Variants in STEEP1 observed in about 807,000 individuals in gnomAD.
STEEP1 encodes STING1 ER exit protein 1, also known as STING ER exit protein.
STEEP1 carries 3 observed loss-of-function variants against 19.2 expected under a neutral mutation model. The observed-to-expected ratio is 0.16, with a 90% CI of 0.07 to 0.40. The LOEUF (loss-of-function observed/expected upper bound fraction) is 0.40. Among genes scored for constraint, STEEP1 ranks in the 10% least tolerant of loss-of-function variants. The pLI, the probability that STEEP1 is intolerant of heterozygous loss-of-function variation, is 0.99. For missense variants in STEEP1, 54 were observed against 177.1 expected (o/e 0.30, Z 3.94); for synonymous variants, 46 against 63.7 (o/e 0.72, Z 1.32).
chrX:119,565,159 C>A (rs2053348392), intron 1 of STEEP1, 73 bp downstream of exon 1: 1 of 1,133,546 alleles, frequency 8.8e-7, no homozygotes, highest in Non-Finnish European at 1.2e-6. Flanking sequence ...CAGATCACAG[C>A]CAGAGGAAAT....
intron 2 of STEEP1, among the ~76,000 whole-genome samples, chrX:119,553,195 G>A (rs1474693015): frequency 1.0e-5 from 1 of 96,278 alleles, no homozygotes; most frequent in African/African-American, 3.7e-5. Flanking sequence ...ATCTCTGAGG[G>A]TAAAGCTGAG....
rs201339708 is a variant in STEEP1 at position 119,542,055 on chromosome X, C to CTTTTTTT, written c.513+443_513+449dup. Among the ~76,000 whole-genome samples, 660 of 82,755 alleles carry CTTTTTTT rather than the reference C, an allele frequency of 8.0e-3. 32 individuals are homozygous for CTTTTTTT. Among genetic ancestry groups the CTTTTTTT allele is most frequent in the Non-Finnish European group, 0.013 (562 of 43,470 alleles). The allele number at this position is 82,755 out of a possible 115,157, so 71.9% of individuals were successfully genotyped here. ...TCACTGTCAGAGTTTCTTTTCTTTT[C>CTTTTTTT]TTTTTTTTTTTTTTTTTTTTTTTTT... is the stretch of plus-strand genomic sequence containing the variant. On this transcript the variant is annotated intron_variant, in intron 5 of 6. Coordinates refer to ENST00000644802, the MANE Select transcript of STEEP1 (RefSeq NM_022101.4).
At chrX:119,563,772 AAAGCACCTGCAGGATTTCCTG>A (rs1441277777) in intron 1 of STEEP1, among the ~76,000 whole-genome samples, 1 of 111,447 alleles carries the variant, frequency 9.0e-6, no homozygotes, top group East Asian at 2.8e-4. Flanking sequence ...CATTTTCACG[AAAGCACCTGCAGGATTTCCTG>A]ATGGACTGGA....
chrX:119,564,503 A>AAGG (rs1556224647), intron 1 of STEEP1, among the ~76,000 whole-genome samples: 1 of 77,660 alleles, frequency 1.3e-5, no homozygotes, highest in Non-Finnish European at 2.4e-5. Flanking sequence ...CTGAAAAAAA[A>AAGG]GGGGGGGGGG....
chrX:119,545,679 C>A (rs1439433918), intron 2 of STEEP1, among the ~76,000 whole-genome samples, 175 bp from the exon 3 acceptor site: 1 of 111,021 alleles, frequency 9.0e-6, no homozygotes, highest in African/African-American at 3.3e-5. Context: ...GGCGGATCAC[C>A]TGAGGTCAGG....
intron 2 of STEEP1, among the ~76,000 whole-genome samples, chrX:119,553,596 G>A (rs2053258822): frequency 9.0e-6 from 1 of 111,294 alleles, no homozygotes; most frequent in African/African-American, 3.3e-5. Flanking sequence ...TATTACTTAT[G>A]TCAAAGGTGC....
intron 1 of STEEP1, 41 bp downstream of exon 1, chrX:119,565,191 C>G (rs765422089): frequency 8.5e-6 from 10 of 1,178,063 alleles, no homozygotes; most frequent in South Asian, 1.9e-5. Context: ...AACCCGAAGT[C>G]TGGCTCCTTG....
intron 2 of STEEP1, among the ~76,000 whole-genome samples, chrX:119,548,874 C>A (rs2147350305): frequency 8.9e-6 from 1 of 112,075 alleles, no homozygotes; most frequent in South Asian, 3.7e-4. Flanking sequence ...CATGCACACA[C>A]AACAGAACAT....
At chrX:119,556,344 G>A (rs1387452954) in intron 2 of STEEP1, among the ~76,000 whole-genome samples, 2 of 110,631 alleles carry the variant, frequency 1.8e-5, no homozygotes, top group African/African-American at 6.6e-5. Context: ...AGCACTTTGG[G>A]AGGCCGAAGT....
intron 1 of STEEP1, among the ~76,000 whole-genome samples, chrX:119,563,320 G>C (rs1262673189): frequency 1.0e-4 from 3 of 29,367 alleles, no homozygotes; most frequent in Non-Finnish European, 1.9e-4. Flanking sequence ...AGGCCTAGGT[G>C]GGTGGATCAC....
At chrX:119,559,922 G>A (rs767621968) in intron 2 of STEEP1, among the ~76,000 whole-genome samples, 13 of 111,801 alleles carry the variant, frequency 1.2e-4, no homozygotes, top group Non-Finnish European at 2.1e-4. Flanking sequence ...GGTGGCGCAC[G>A]CCTGTCATCC....
chrX:119,546,440 C>CA (rs140234168), intron 2 of STEEP1, among the ~76,000 whole-genome samples: 9,843 of 73,544 alleles, frequency 0.13, 1,334 homozygotes, highest in African/African-American at 0.37. Context: ...GACTCCATCT[C>CA]AAAAAAAAAA....
rs753114276 is a variant in STEEP1, at chrX:119,544,247, AAAG to A, written c.423+103_423+105del. On this transcript the variant is annotated intron_variant, in intron 4 of 6. Coordinates refer to ENST00000644802, the MANE Select transcript of STEEP1 (RefSeq NM_022101.4). ...AAGACAAAAAAAGAAAAAGAAATAAAAAGAATACATCCATAAAGAGCAGTTTCT... is the reference window on the plus strand; with the variant it reads ...AAGACAAAAAAAGAAAAAGAAATAAAAATACATCCATAAAGAGCAGTTTCT... 4.3e-4 allele frequency: 245 copies of A among 569,167 alleles called. 2 individuals carry two copies. The African/African-American group carries it at 5.0e-3, about 12-fold the overall frequency. 46.9% of individuals were successfully genotyped at this position (569,167 alleles called of 1,213,427 possible).
chrX:119,560,197 A>T lies in STEEP1; in HGVS notation c.242+71T>A, dbSNP rs376296913. On this transcript the variant is annotated intron_variant, in intron 2 of 6. Transcript: ENST00000644802. Reference sequence around the variant, plus strand: ...ACTGACCTGTTCAACAATAGATGTGATATTTATATTATTCAGAAACAGACT... The same window carrying T: ...ACTGACCTGTTCAACAATAGATGTGTTATTTATATTATTCAGAAACAGACT... 49 of 729,849 alleles carry T rather than the reference A, an allele frequency of 6.7e-5. No homozygotes were observed. In the East Asian group the frequency reaches 1.0e-3, roughly 15 times the overall value. 60.1% of individuals were successfully genotyped at this position (729,849 alleles called of 1,213,427 possible).
intron 4 of STEEP1, among the ~76,000 whole-genome samples, chrX:119,543,610 A>G (rs1327545297): frequency 1.8e-5 from 2 of 110,780 alleles, no homozygotes; most frequent in African/African-American, 6.6e-5. Context: ...AGTCTCCTGA[A>G]TAGCTAGAAC....
chrX:119,565,378 ACT>A lies in STEEP1; in HGVS notation c.-25_-24del, dbSNP rs1194159745. 3.5e-6 allele frequency: 4 copies of A among 1,141,148 alleles called. No individual in the cohort carries two copies. Among genetic ancestry groups the A allele is most frequent in the Non-Finnish European group, 4.8e-6 (4 of 839,124 alleles). 94.0% of individuals were successfully genotyped at this position (1,141,148 alleles called of 1,213,427 possible). On this transcript the variant is annotated 5_prime_UTR_variant, in exon 1 of 7. Coordinates refer to ENST00000644802, the MANE Select transcript of STEEP1 (RefSeq NM_022101.4). ...CATGATTCCCAAGAGCAATCTGAAA[ACT>A]CTACGCCAAGAAGAGGGTCGCCCCG...
At chrX:119,555,274 G>C (rs2147355513) in intron 2 of STEEP1, among the ~76,000 whole-genome samples, 1 of 110,229 alleles carries the variant, frequency 9.1e-6, no homozygotes, top group South Asian at 3.9e-4. Flanking sequence ...AATCAAGAGA[G>C]TACCAGAAGA....
intron 2 of STEEP1, among the ~76,000 whole-genome samples, chrX:119,560,056 TA>T (rs199588566): frequency 0.023 from 2,293 of 101,016 alleles, 61 homozygotes; most frequent in African/African-American, 0.077. Context: ...CCATCTCAAT[TA>T]AAAAAAAAAA....
chrX:119,553,671 G>A (rs1303855805), intron 2 of STEEP1, among the ~76,000 whole-genome samples: 2 of 111,361 alleles, frequency 1.8e-5, no homozygotes, highest in Non-Finnish European at 3.8e-5. Flanking sequence ...TACCCTCTCT[G>A]GTCCCACTGG....
Sources: allele counts gnomAD v4.1 joint callset (sites outside exome capture counted in the v4.1 genomes callset), GRCh38; gene constraint gnomAD v4.1.1; transcripts MANE v1.5; gene names NCBI Gene and HGNC (gene_info 2026-07-23, HGNC 2026-07-21).